SLC3A2: variants seen among roughly 807,000 people sequenced by gnomAD.
SLC3A2 encodes solute carrier family 3 member 2, also known as amino acid transporter heavy chain SLC3A2.
Under a neutral mutation model 48.5 loss-of-function variants are expected in SLC3A2, and 32 were observed. That is an observed-to-expected ratio of 0.66 (90% CI 0.50 to 0.89). The LOEUF is 0.89. Ranked by LOEUF, SLC3A2 falls within the 40% of genes least tolerant of loss-of-function variation. The pLI, the probability that SLC3A2 is intolerant of heterozygous loss-of-function variation, is 0.00. For missense variants in SLC3A2, 587 were observed against 680.7 expected (o/e 0.86, Z 1.53); for synonymous variants, 277 against 288.8 (o/e 0.96, Z 0.41).
chr11:62,871,552 ATAT>A (rs749056637), intron 1 of SLC3A2: 1,432 of 608,536 alleles, frequency 2.4e-3, no homozygotes, highest in South Asian at 3.2e-3. Flanking sequence ...ACTTTATATA[ATAT>A]TATTATTATT....
intron 1 of SLC3A2, among the ~76,000 whole-genome samples, chr11:62,861,232 G>T (rs1297378782): frequency 3.3e-5 from 5 of 150,762 alleles, no homozygotes; most frequent in Non-Finnish European, 7.4e-5. Context: ...TTCTGGGGGA[G>T]GCTGAGGTGG....
chr11:62,860,924 G>A (rs957692780), intron 1 of SLC3A2, among the ~76,000 whole-genome samples: 2 of 152,188 alleles, frequency 1.3e-5, no homozygotes, highest in African/African-American at 4.8e-5. Flanking sequence ...TCAATACAGT[G>A]CATGTTTCTG....
chr11:62,873,193 A>G (rs1449652360), intron 1 of SLC3A2, among the ~76,000 whole-genome samples: 1 of 151,814 alleles, frequency 6.6e-6, no homozygotes, highest in Non-Finnish European at 1.5e-5. Context: ...CAGCTAATTT[A>G]AAAAATTTTT....
In SLC3A2 at chr11:62,888,652, C is replaced by A. The variant is rs768484839; in HGVS notation, c.1549C>A (p.Pro517Thr). ...PLELERLKLE[P>T]HEGLLLRFPY... The stretch of plus-strand genomic sequence containing the variant: ...TGAGCTGGAACGCCTGAAACTGGAG[C>A]CTCACGAAGGGCTGCTGCTCCGCTT... The change falls in exon 9 of 9, where the codon CCT becomes ACT. Residue 517 changes from proline (P) to threonine (T), a missense_variant. Physicochemically the swap from Pro to Thr is conservative, Grantham distance 38. Around this residue, in one of 3 missense-constraint regions of SLC3A2, gnomAD observed 169 missense variants for 204.4 expected, o/e 0.83. Transcript: ENST00000338663. 6.9e-6 allele frequency: 11 copies of A among 1,604,206 alleles called. No individual in the cohort carries two copies. Among genetic ancestry groups the A allele is most frequent in the Non-Finnish European group, 8.5e-6 (10 of 1,179,476 alleles).
At chr11:62,880,612 A>G, upstream of SLC3A2, 1 of 167,826 alleles carries the variant, frequency 6.0e-6, no homozygotes, top group Middle Eastern at 3.0e-3. Flanking sequence ...TAAGGCCTAA[A>G]GGACACTGGA....
At chr11:62,887,119 T>C (rs1485071348) in intron 7 of SLC3A2, among the ~76,000 whole-genome samples, 1 of 152,168 alleles carries the variant, frequency 6.6e-6, no homozygotes, top group East Asian at 1.9e-4. Context: ...ACACTGAGGA[T>C]ACAGCATTGC....
upstream of SLC3A2, chr11:62,856,109 G>A (rs56765672): frequency 8.1e-5 from 46 of 568,648 alleles, no homozygotes; most frequent in Admixed American, 1.8e-4. Flanking sequence ...CTCACCGACC[G>A]CATTGCGGCT....
At chr11:62,875,985 C>T (rs2085567179), upstream of SLC3A2, among the ~76,000 whole-genome samples, 1 of 152,200 alleles carries the variant, frequency 6.6e-6, no homozygotes, top group South Asian at 2.1e-4. Flanking sequence ...CCCACTTCAG[C>T]CTCCTTAGTA....
Position 62,885,184 on chromosome 11 carries a change from A to G in SLC3A2, c.826A>G (p.Ile276Val), listed in dbSNP as rs775616859. Residue 276 changes from isoleucine (I) to valine (V), a missense_variant, in exon 6 of 9, where the codon ATT (isoleucine) becomes GTT (valine). Coordinates refer to ENST00000338663, the MANE Select transcript of SLC3A2 (RefSeq NM_001013251.3). ...CCTCCCTCCCCTCTGCAGGCTCTTG[A>G]TTGCGGGGACTAACTCCTCCGACCT... ...TKGFSEDRLL[I>V]AGTNSSDLQQ... The G allele has an allele frequency of 1.5e-5, 24 of 1,613,710 alleles. No homozygotes were observed. The South Asian group carries it at 2.5e-4, about 17-fold the overall frequency.
chr11:62,888,295 C>G, intron 8 of SLC3A2, 36 bp from the exon 9 acceptor site: 4 of 1,609,710 alleles, frequency 2.5e-6, no homozygotes, highest in Non-Finnish European at 3.4e-6. Flanking sequence ...CAGGGGAGCC[C>G]CTCACACGCT....
At chr11:62,882,177 G>C (rs2085650796) in intron 2 of SLC3A2, 111 bp downstream of exon 2, 2 of 1,246,556 alleles carry the variant, frequency 1.6e-6, no homozygotes, top group Admixed American at 4.0e-5. Flanking sequence ...TTTTCCTAGG[G>C]CAGGTAGAGG....
chr11:62,881,542 C>T lies in SLC3A2; in HGVS notation c.424+95C>T. On this transcript the variant is annotated intron_variant, in intron 1 of 8. Coordinates refer to ENST00000338663, the MANE Select transcript of SLC3A2 (RefSeq NM_001013251.3). This position sits in a 1 kb window ranked among gnomAD's most constrained non-coding sequence, Gnocchi z 4.0. Reference sequence around the variant, plus strand: ...TGTCCCCAGACGGATCTAGATGGTTCTTCCCTCCATCCCGTACCGACGACT... The same window carrying T: ...TGTCCCCAGACGGATCTAGATGGTTTTTCCCTCCATCCCGTACCGACGACT... 1.4e-6 allele frequency: 2 copies of T among 1,453,130 alleles called. No homozygotes were observed. The highest frequency in any genetic ancestry group is 2.7e-5 in the South Asian group (2 of 72,840). The allele number at this position is 1,453,130 out of a possible 1,614,324, so 90.0% of individuals were successfully genotyped here. A position where few individuals can be genotyped will look rare whatever the true frequency, so the allele number is the denominator to read the frequency against.
chr11:62,878,174 A>G (rs1273025619), upstream of SLC3A2, among the ~76,000 whole-genome samples: 2 of 151,932 alleles, frequency 1.3e-5, no homozygotes, highest in Non-Finnish European at 2.9e-5. Context: ...AAAAAAAACA[A>G]AAAACAAAAG....
At chr11:62,880,778 C>G, upstream of SLC3A2, 1 of 613,316 alleles carries the variant, frequency 1.6e-6, no homozygotes, top group Non-Finnish European at 2.6e-6. Context: ...GAGGCGTGTT[C>G]CTGACTTTAC....
At chr11:62,870,221 T>C (rs1299782883) in intron 1 of SLC3A2, among the ~76,000 whole-genome samples, 1 of 149,650 alleles carries the variant, frequency 6.7e-6, no homozygotes, top group Non-Finnish European at 1.5e-5. Flanking sequence ...CTCACTTTGT[T>C]GCCAGCCTGG....
Position 62,873,264 on chromosome 11 carries a change from A to G in SLC3A2, c.113-7755A>G, listed in dbSNP as rs541013392. 2.6e-5 allele frequency among the ~76,000 whole-genome samples: 4 copies of G among 152,094 alleles called. No homozygotes were observed. The East Asian group carries it at 7.7e-4, about 29-fold the overall frequency. On this transcript the variant is annotated intron_variant, in intron 1 of 9. Coordinates refer to the SLC3A2 transcript ENST00000377889. ...AGCATTTTGGGAGGCCAAGTCGGGCAGATCATGAGGTCAGGAGTTCGAGAA... is the reference window on the plus strand; with the variant it reads ...AGCATTTTGGGAGGCCAAGTCGGGCGGATCATGAGGTCAGGAGTTCGAGAA...
At chr11:62,885,068 T>A in intron 5 of SLC3A2, 109 bp from the exon 6 acceptor site, 4 of 1,210,888 alleles carry the variant, frequency 3.3e-6, no homozygotes, top group Non-Finnish European at 4.7e-6. Context: ...TGACCTCAAG[T>A]GATCCACCCG....
At position 62,888,044 on chromosome 11, in the gene SLC3A2, G is replaced by A. The variant is rs574335493; in HGVS notation, c.1144-91G>A. On this transcript the variant is annotated intron_variant, in intron 7 of 8. Coordinates refer to ENST00000338663, the MANE Select transcript of SLC3A2 (RefSeq NM_001013251.3). ...TGCCTGGGCTCAAGCAATCCTCTTG[G>A]CCTTGACCTCCCAGACTGCTGGAAT... 27 of 1,145,352 alleles carry A rather than the reference G, an allele frequency of 2.4e-5. No homozygotes were observed. The South Asian group carries it at 3.5e-4, about 15-fold the overall frequency. 70.9% of individuals were successfully genotyped at this position (1,145,352 alleles called of 1,614,324 possible).
chr11:62,860,651 A>G (rs1051593793), intron 1 of SLC3A2, among the ~76,000 whole-genome samples: 1 of 152,064 alleles, frequency 6.6e-6, no homozygotes, highest in Non-Finnish European at 1.5e-5. Context: ...AATCCTTCTC[A>G]GCACAGACCC....
Sources: gnomAD v4.1 joint callset for allele counts (sites outside exome capture counted in the v4.1 genomes callset) on GRCh38, gnomAD v4.1.1 for gene constraint, gnomAD v4.1.1 regional missense constraint, Gnocchi (gnomAD v3.1) non-coding constraint, MANE v1.5 for transcripts, NCBI Gene and HGNC (gene_info 2026-07-23, HGNC 2026-07-21) for gene names.